Variants in ARHGEF28 observed in about 807,000 individuals in gnomAD.
ARHGEF28 encodes 190 kDa guanine nucleotide exchange factor.
ARHGEF28 carries 152 observed loss-of-function variants against 206.6 expected under a neutral mutation model. That is an observed-to-expected ratio of 0.74 (90% CI 0.64 to 0.84). ARHGEF28 has a LOEUF of 0.84. Ranked by LOEUF, ARHGEF28 falls within the 40% of genes least tolerant of loss-of-function variation. ARHGEF28 has a pLI of 0.00. For missense variants in ARHGEF28, 2,028 were observed against 2,073.2 expected (o/e 0.98, Z 0.42); for synonymous variants, 763 against 776.4 (o/e 0.98, Z 0.29).
chr5:73,881,076 G>A (rs1331718247), intron 22 of ARHGEF28, among the ~76,000 whole-genome samples: 2 of 150,996 alleles, frequency 1.3e-5, no homozygotes, highest in Non-Finnish European at 2.9e-5. Context: ...AATTGCTCCA[G>A]TGCCATTCGT....
chr5:73,839,141 C>CA (rs1480302176), intron 10 of ARHGEF28, among the ~76,000 whole-genome samples: 1 of 152,142 alleles, frequency 6.6e-6, no homozygotes, highest in East Asian at 1.9e-4. Context: ...GGGTGCTTCT[C>CA]AGTGAGTTGT....
intron 2 of ARHGEF28, among the ~76,000 whole-genome samples, chr5:73,715,640 G>T (rs754406264): frequency 6.6e-6 from 1 of 152,098 alleles, no homozygotes; most frequent in Non-Finnish European, 1.5e-5. Context: ...TTATTTTAGA[G>T]CCATAATTTA....
chr5:73,813,348 C>T (rs896949029), intron 9 of ARHGEF28: 2 of 321,404 alleles, frequency 6.2e-6, no homozygotes, highest in Non-Finnish European at 9.0e-6. Context: ...CCCACTTCTC[C>T]CTCCTTTACT....
Position 73,730,768 on chromosome 5 carries a change from G to C in ARHGEF28, c.34-19069G>C, listed in dbSNP as rs988413254. Among the ~76,000 whole-genome samples, 7 of 151,886 alleles carry C rather than the reference G, an allele frequency of 4.6e-5. No individual in the cohort carries two copies. In the South Asian group the frequency reaches 1.2e-3, roughly 27 times the overall value. On this transcript the variant is annotated intron_variant, in intron 2 of 35. Transcript: ENST00000513042. ...ACAGGTTGGAACTGTTTTGAAGGTT[G>C]ATATTTTTAATGGTTTAAAATTTTA...
intron 4 of ARHGEF28, among the ~76,000 whole-genome samples, chr5:73,766,555 ATT>A: frequency 6.6e-6 from 1 of 152,238 alleles, no homozygotes; most frequent in Non-Finnish European, 1.5e-5. Context: ...ATTAATTTAA[ATT>A]AGCAGATCCC....
At chr5:73,659,677 A>G (rs1289044862) in intron 1 of ARHGEF28, among the ~76,000 whole-genome samples, 2 of 152,208 alleles carry the variant, frequency 1.3e-5, no homozygotes, top group Non-Finnish European at 2.9e-5. Context: ...TATCTTGAAG[A>G]TATTACAATT....
Position 73,864,672 on chromosome 5 carries a change from A to G in ARHGEF28, c.2048-145A>G, listed in dbSNP as rs776789809. ...TGGTGAGGATACATGTGATTTAAATATTTGTCTTTCCTTCTTTAGTTTTCC... is the reference window on the plus strand; with the variant it reads ...TGGTGAGGATACATGTGATTTAAATGTTTGTCTTTCCTTCTTTAGTTTTCC... On this transcript the variant is annotated intron_variant, in intron 16 of 35. Coordinates refer to ENST00000513042, the MANE Select transcript of ARHGEF28 (RefSeq NM_001177693.2). 224 of 664,572 alleles carry G rather than the reference A, an allele frequency of 3.4e-4. 1 individual carries two copies. The highest frequency in any genetic ancestry group is 6.6e-5 in the Non-Finnish European group (26 of 395,114). 41.2% of individuals were successfully genotyped at this position (664,572 alleles called of 1,614,324 possible).
At chr5:73,670,140 C>T (rs1457520875) in intron 1 of ARHGEF28, among the ~76,000 whole-genome samples, 3 of 152,220 alleles carry the variant, frequency 2.0e-5, no homozygotes, top group Non-Finnish European at 4.4e-5. Context: ...AGAGCCATCT[C>T]CCTTCCCCCA....
At chr5:73,700,155 A>G (rs1483276868) in intron 2 of ARHGEF28, among the ~76,000 whole-genome samples, 11 of 152,230 alleles carry the variant, frequency 7.2e-5, no homozygotes, top group Non-Finnish European at 1.3e-4. Flanking sequence ...TTTGAAAAGA[A>G]TGATTGAGGT....
chr5:73,824,777 T>G (rs879586643), intron 9 of ARHGEF28, among the ~76,000 whole-genome samples: 9 of 74,734 alleles, frequency 1.2e-4, no homozygotes, highest in Non-Finnish European at 3.2e-4. Context: ...CTGAAGATGT[T>G]TTTTTAAGAG....
At chr5:73,910,763 G>A (rs1405504727) in intron 34 of ARHGEF28, among the ~76,000 whole-genome samples, 4 of 152,050 alleles carry the variant, frequency 2.6e-5, no homozygotes, top group Admixed American at 6.5e-5. Flanking sequence ...ATTTATTTGT[G>A]TCTTTTCTAA....
chr5:73,815,977 G>C (rs1456982851), intron 9 of ARHGEF28, among the ~76,000 whole-genome samples: 3 of 152,148 alleles, frequency 2.0e-5, no homozygotes, highest in African/African-American at 7.2e-5. Context: ...GAGCGGGTTT[G>C]GTCATGCTGT....
In ARHGEF28 at chr5:73,880,036, C is replaced by G. The variant is rs1388591035; in HGVS notation, c.2815-2436C>G. ...CTGTGCCCTGCCCCCAGCGGTGGAG[C>G]CTACAGAGGCAGGCAGGCCTCCTTG... On this transcript the variant is annotated intron_variant, in intron 22 of 35. Coordinates refer to ENST00000513042, the MANE Select transcript of ARHGEF28 (RefSeq NM_001177693.2). Among the ~76,000 whole-genome samples, 5 of 152,194 alleles carry G rather than the reference C, an allele frequency of 3.3e-5. No individual in the cohort carries two copies. The South Asian group carries it at 1.0e-3, about 32-fold the overall frequency.
intron 4 of ARHGEF28, among the ~76,000 whole-genome samples, chr5:73,762,201 A>T (rs2112424345): frequency 6.6e-6 from 1 of 152,122 alleles, no homozygotes; most frequent in South Asian, 2.1e-4. Flanking sequence ...CACACCTGTA[A>T]TCCCAGCACT....
chr5:73,925,788 A>T (rs1377853445), intron 35 of ARHGEF28, among the ~76,000 whole-genome samples: 2 of 152,206 alleles, frequency 1.3e-5, no homozygotes, highest in Non-Finnish European at 2.9e-5. Flanking sequence ...ATGAGCCCAT[A>T]GTTGGTTCCC....
chr5:73,887,177 A>C (rs1377120263), intron 25 of ARHGEF28, among the ~76,000 whole-genome samples: 2 of 152,256 alleles, frequency 1.3e-5, no homozygotes, highest in Non-Finnish European at 2.9e-5. Flanking sequence ...TCTTGTGAAC[A>C]ATGTGTAAGG....
intron 2 of ARHGEF28, among the ~76,000 whole-genome samples, chr5:73,691,036 C>G (rs992291120): frequency 1.3e-5 from 2 of 151,930 alleles, no homozygotes; most frequent in East Asian, 3.9e-4. Context: ...TTCAAGCAAT[C>G]CTCCTGCCTC....
intron 2 of ARHGEF28, among the ~76,000 whole-genome samples, chr5:73,744,194 AAAT>A: frequency 6.6e-6 from 1 of 152,300 alleles, no homozygotes; most frequent in Admixed American, 6.5e-5. Context: ...CACATATAAG[AAAT>A]AATATTTGCA....
chr5:73,897,264 A>G (rs1371842537), intron 29 of ARHGEF28, among the ~76,000 whole-genome samples: 2 of 152,180 alleles, frequency 1.3e-5, no homozygotes, highest in Admixed American at 6.5e-5. Context: ...GATGGAGATG[A>G]GTGCTGATCA....
Sources: allele counts gnomAD v4.1 joint callset (sites outside exome capture counted in the v4.1 genomes callset), GRCh38; gene constraint gnomAD v4.1.1; transcripts MANE v1.5; gene names NCBI Gene and HGNC (gene_info 2026-07-23, HGNC 2026-07-21).